MLF1: variants seen among roughly 807,000 people sequenced by gnomAD.
MLF1 encodes the protein myeloid leukemia factor 1, also known as myelodysplasia-myeloid leukemia factor 1.
MLF1 carries 37 observed loss-of-function variants against 38.3 expected under a neutral mutation model. The observed-to-expected ratio is 0.96, with a 90% CI of 0.74 to 1.27. The LOEUF is 1.27. Among genes scored for constraint, MLF1 ranks in the 50% most tolerant of loss-of-function variants. MLF1 has a pLI of 0.00. For missense variants in MLF1, 331 were observed against 349.2 expected (o/e 0.95, Z 0.42); for synonymous variants, 95 against 106.5 (o/e 0.89, Z 0.66).
intron 5 of MLF1, among the ~76,000 whole-genome samples, chr3:158,598,822 A>G (rs891328186): frequency 1.3e-5 from 2 of 152,082 alleles, no homozygotes; most frequent in African/African-American, 2.4e-5. Context: ...TCTGGAGTTT[A>G]TCATTTTCAC....
chr3:158,571,206 G>C lies in MLF1; in HGVS notation c.-95G>C, dbSNP rs369380572. The C allele has an allele frequency of 2.4e-5, 24 of 986,886 alleles. 1 individual carries two copies. The highest frequency in any genetic ancestry group is 1.2e-4 in the East Asian group (5 of 40,822). 61.1% of individuals were successfully genotyped at this position (986,886 alleles called of 1,614,324 possible). A position where few individuals can be genotyped will look rare whatever the true frequency, so the allele number is the denominator to read the frequency against. On this transcript the variant is annotated 5_prime_UTR_variant, in exon 1 of 8. Coordinates refer to ENST00000466246, the MANE Select transcript of MLF1 (RefSeq NM_001369783.1). ...CCTGCGCCGCGGCGAGTGAGGCGTC[G>C]TCCGTACTGGAGGCTAGCTCTTGTC...
rs186664572 is a variant in MLF1, at chr3:158,577,135, A to T, written c.47+5788A>T. 5.8e-3 allele frequency among the ~76,000 whole-genome samples: 880 copies of T among 152,274 alleles called. 11 individuals are homozygous for T. The highest frequency in any genetic ancestry group is 0.02 in the African/African-American group (837 of 41,540). On this transcript the variant is annotated intron_variant, in intron 1 of 7. Transcript: ENST00000466246. The stretch of plus-strand genomic sequence containing the variant: ...TATATGTATAATCTCTATTTTAAAA[A>T]TTTTTACAAATTTGTATTTATTTTA...
At chr3:158,585,987 C>T (rs576926627) in intron 1 of MLF1, among the ~76,000 whole-genome samples, 8 of 151,982 alleles carry the variant, frequency 5.3e-5, no homozygotes, top group South Asian at 2.1e-4. Context: ...CATAGTAAAA[C>T]CCCATCTCTA....
At chr3:158,590,227 A>G (rs1371652413) in intron 1 of MLF1, among the ~76,000 whole-genome samples, 3 of 152,240 alleles carry the variant, frequency 2.0e-5, no homozygotes, top group Non-Finnish European at 4.4e-5. Context: ...AGACGGTTCT[A>G]TCAAAGAACA....
rs550404933 is a variant in MLF1, at chr3:158,605,379, A to C, written c.*177A>C. On this transcript the variant is annotated 3_prime_UTR_variant, in exon 8 of 8. Transcript: ENST00000466246. The stretch of plus-strand genomic sequence containing the variant: ...TTATATTGTCCCTCTTTTAGGAATA[A>C]AATTTTGATTTTCAACAATGTGAGT... 4.6e-6 allele frequency: 2 copies of C among 430,424 alleles called. No individual in the cohort carries two copies. Among genetic ancestry groups the C allele is most frequent in the African/African-American group, 4.0e-5 (2 of 50,320 alleles). The allele number at this position is 430,424 out of a possible 1,614,324, so 26.7% of individuals were successfully genotyped here. A position where few individuals can be genotyped will look rare whatever the true frequency, so the allele number is the denominator to read the frequency against.
chr3:158,602,807 G>GTGA lies in MLF1; in HGVS notation c.617_619dup (p.Asp206dup), dbSNP rs749213541. 1 of 1,612,960 alleles carries GTGA rather than the reference G, an allele frequency of 6.2e-7. No homozygotes were observed. Among genetic ancestry groups the GTGA allele is most frequent in the Non-Finnish European group, 8.5e-7 (1 of 1,179,570 alleles). ...CCCATTATTTTTCTGTTTGACATAG[G>GTGA]TGATGCTCATGCTTTTGATGAGGAG... On this transcript the variant is annotated inframe_insertion and splice_region_variant, in exon 7 of 8. Transcript: ENST00000466246.
intron 1 of MLF1, among the ~76,000 whole-genome samples, chr3:158,587,928 G>T (rs1217049167): frequency 6.6e-6 from 1 of 152,196 alleles, no homozygotes; most frequent in East Asian, 1.9e-4. Context: ...ATGAACCTGG[G>T]AGGTAGAGCT....
chr3:158,589,024 T>C, intron 1 of MLF1: 1 of 410,820 alleles, frequency 2.4e-6, no homozygotes, highest in South Asian at 1.8e-5. Context: ...AAGGAGGAAC[T>C]TCAAGACTGC....
Position 158,605,340 on chromosome 3 carries a change from T to C in MLF1, c.*138T>C. The C allele has an allele frequency of 3.4e-6, 2 of 579,906 alleles. No homozygotes were observed. Among genetic ancestry groups the C allele is most frequent in the South Asian group, 3.2e-5 (1 of 30,850 alleles). 35.9% of individuals were successfully genotyped at this position (579,906 alleles called of 1,614,324 possible). On this transcript the variant is annotated 3_prime_UTR_variant, in exon 8 of 8. Coordinates refer to ENST00000466246, the MANE Select transcript of MLF1 (RefSeq NM_001369783.1). Reference sequence around the variant, plus strand: ...CTTTCTTCTGATATCTGAATGTTCATGAAGGTCCTAGCTTTATATTGTCCC... The same window carrying C: ...CTTTCTTCTGATATCTGAATGTTCACGAAGGTCCTAGCTTTATATTGTCCC...
In MLF1 at chr3:158,586,251, A is replaced by G. The variant is rs140943676; in HGVS notation, c.48-6183A>G. On this transcript the variant is annotated intron_variant, in intron 1 of 7. Transcript: ENST00000466246. ...TCTACACTTGGACCCATGAAAGTGCAATTTTGATACATTAAAAAAATATAT... is the reference window on the plus strand; with the variant it reads ...TCTACACTTGGACCCATGAAAGTGCGATTTTGATACATTAAAAAAATATAT... 5.0e-3 allele frequency among the ~76,000 whole-genome samples: 764 copies of G among 152,102 alleles called. 11 individuals carry two copies. The highest frequency in any genetic ancestry group is 0.018 in the African/African-American group (735 of 41,506).
intron 6 of MLF1, among the ~76,000 whole-genome samples, 172 bp from the exon 7 acceptor site, chr3:158,602,635 G>A (rs573058442): frequency 5.3e-5 from 8 of 152,244 alleles, no homozygotes; most frequent in Admixed American, 3.3e-4. Context: ...GAACAGACAG[G>A]AAAACAAATA....
intron 1 of MLF1, among the ~76,000 whole-genome samples, chr3:158,573,091 C>T (rs1406230882): frequency 6.6e-6 from 1 of 151,232 alleles, no homozygotes; most frequent in East Asian, 1.9e-4. Flanking sequence ...TATTTTATAG[C>T]TCCTCTTTAA....
At position 158,593,308 on chromosome 3, in the gene MLF1, C is replaced by A; in HGVS notation, c.196-74C>A. 2.6e-6 allele frequency: 3 copies of A among 1,175,462 alleles called. No homozygotes were observed. In the South Asian group the frequency reaches 4.6e-5, roughly 18 times the overall value. 72.8% of individuals were successfully genotyped at this position (1,175,462 alleles called of 1,614,324 possible). On this transcript the variant is annotated intron_variant, in intron 2 of 7. Transcript: ENST00000466246. ...ATGTAGCAATTTGAAATTCAGTAAA[C>A]ATTTAATTGGTAAATTGAGAAACTT... is the stretch of plus-strand genomic sequence containing the variant.
intron 1 of MLF1, among the ~76,000 whole-genome samples, chr3:158,578,308 T>C (rs542893045): frequency 6.6e-6 from 1 of 152,268 alleles, no homozygotes; most frequent in South Asian, 2.1e-4. Context: ...TAATAGGTAA[T>C]GCTCTTTGCT....
intron 6 of MLF1, among the ~76,000 whole-genome samples, chr3:158,600,754 G>A (rs959885826): frequency 7.8e-5 from 2 of 25,624 alleles, no homozygotes; most frequent in African/African-American, 4.5e-4. Context: ...AAATCATTCT[G>A]TACTGTTCAG....
At chr3:158,572,640 G>A (rs558989420) in intron 1 of MLF1, among the ~76,000 whole-genome samples, 254 of 135,510 alleles carry the variant, frequency 1.9e-3, no homozygotes, top group Non-Finnish European at 3.1e-3. Flanking sequence ...GTAGTGGGAC[G>A]AGGGAGGGTT....
intron 1 of MLF1, chr3:158,591,250 C>G: frequency 2.4e-6 from 1 of 422,462 alleles, no homozygotes; most frequent in Non-Finnish European, 4.6e-6. Flanking sequence ...ACTTCTGCCT[C>G]CCGGGTTCAA....
intron 1 of MLF1, among the ~76,000 whole-genome samples, chr3:158,573,984 A>C (rs890797741): frequency 6.6e-6 from 1 of 152,010 alleles, no homozygotes; most frequent in Non-Finnish European, 1.5e-5. Flanking sequence ...TTTTTTGTAG[A>C]GAGGAGGTTT....
At chr3:158,574,524 A>T (rs1194494850) in intron 1 of MLF1, among the ~76,000 whole-genome samples, 2 of 116,262 alleles carry the variant, frequency 1.7e-5, no homozygotes, top group African/African-American at 4.7e-5. Context: ...AAAAAAAAAA[A>T]AAATACAAAA....
Sources: allele counts gnomAD v4.1 joint callset (sites outside exome capture counted in the v4.1 genomes callset), GRCh38; gene constraint gnomAD v4.1.1; transcripts MANE v1.5; gene names NCBI Gene and HGNC (gene_info 2026-07-23, HGNC 2026-07-21).